CNTNAP2: variants seen among roughly 807,000 people sequenced by gnomAD.
CNTNAP2 encodes the protein contactin-associated protein-like 2.
A neutral mutation model predicts 155.2 loss-of-function variants in CNTNAP2; 98 were observed. That is an observed-to-expected ratio of 0.63 (90% CI 0.54 to 0.75). The LOEUF (loss-of-function observed/expected upper bound fraction) is 0.75, where lower values mean the gene tolerates loss of function less well. Ranked by LOEUF, CNTNAP2 falls within the 30% of genes least tolerant of loss-of-function variation. The pLI is 0.00. For missense variants in CNTNAP2, 1,727 were observed against 1,688.1 expected (o/e 1.02, Z -0.40); for synonymous variants, 651 against 631.2 (o/e 1.03, Z -0.47).
chr7:148,061,972 TAGATAGA>T (rs1803156059), intron 15 of CNTNAP2, among the ~76,000 whole-genome samples: 1 of 127,886 alleles, frequency 7.8e-6, no homozygotes, highest in African/African-American at 3.6e-5. Flanking sequence ...GATAGATAGA[TAGATAGA>T]TAGATAGATA....
chr7:146,839,299 C>A (rs1188743757), intron 2 of CNTNAP2, among the ~76,000 whole-genome samples: 1 of 151,846 alleles, frequency 6.6e-6, no homozygotes, highest in Non-Finnish European at 1.5e-5. Context: ...TGTATAATTG[C>A]TTGTTTTTAA....
chr7:147,928,614 G>T (rs1325393227), intron 14 of CNTNAP2, among the ~76,000 whole-genome samples: 3 of 152,132 alleles, frequency 2.0e-5, no homozygotes, highest in Non-Finnish European at 4.4e-5. Context: ...AGGAAGTTAT[G>T]TTTTTGGTAG....
chr7:147,341,457 TAAA>T (rs1315052747), intron 9 of CNTNAP2, among the ~76,000 whole-genome samples: 1 of 151,448 alleles, frequency 6.6e-6, no homozygotes, highest in African/African-American at 2.4e-5. Flanking sequence ...TAAAAAATAA[TAAA>T]AAGGGAAAAA....
chr7:146,224,834 T>G (rs1023059400), intron 1 of CNTNAP2, among the ~76,000 whole-genome samples: 3 of 152,198 alleles, frequency 2.0e-5, no homozygotes, highest in Non-Finnish European at 4.4e-5. Context: ...TCTTTTGTTT[T>G]GATCTCAGAA....
chr7:147,901,738 C>G (rs1799872001), intron 13 of CNTNAP2, among the ~76,000 whole-genome samples: 7 of 152,184 alleles, frequency 4.6e-5, no homozygotes, highest in Admixed American at 3.9e-4. Context: ...CTCCCCCACT[C>G]TCCTCTGTGT....
chr7:147,476,668 T>C (rs2116619472), intron 10 of CNTNAP2, among the ~76,000 whole-genome samples: 1 of 151,936 alleles, frequency 6.6e-6, no homozygotes, highest in South Asian at 2.1e-4. Context: ...GGCTCACGCC[T>C]GTAATCCCAG....
At chr7:146,936,063 G>A (rs1031193506) in intron 3 of CNTNAP2, among the ~76,000 whole-genome samples, 7 of 152,144 alleles carry the variant, frequency 4.6e-5, no homozygotes, top group South Asian at 2.1e-4. Context: ...TGGGAAAACC[G>A]TAATCTATGA....
chr7:146,311,641 G>C (rs1374556635), intron 1 of CNTNAP2: 1 of 141,722 alleles, frequency 7.1e-6, no homozygotes, highest in Non-Finnish European at 1.5e-5. Flanking sequence ...AAGAAAGACA[G>C]AAATTAGGAA....
chr7:146,649,990 G>C (rs1167404359), intron 1 of CNTNAP2, among the ~76,000 whole-genome samples: 1 of 152,164 alleles, frequency 6.6e-6, no homozygotes, highest in Non-Finnish European at 1.5e-5. Context: ...TTAGAATGGT[G>C]ATCATCAAAA....
At chr7:146,452,762 A>T (rs779224385) in intron 1 of CNTNAP2, among the ~76,000 whole-genome samples, 7 of 152,220 alleles carry the variant, frequency 4.6e-5, no homozygotes, top group Non-Finnish European at 7.3e-5. Flanking sequence ...CTACCACTAG[A>T]TTCTAAGTCC....
chr7:147,928,217 A>T (rs184195939), intron 14 of CNTNAP2, among the ~76,000 whole-genome samples: 401 of 152,230 alleles, frequency 2.6e-3, no homozygotes, highest in African/African-American at 8.2e-3. Flanking sequence ...CTTTTTCTTT[A>T]TAAATTACCC....
At chr7:148,243,610 G>A (rs561940820) in intron 20 of CNTNAP2, among the ~76,000 whole-genome samples, 2 of 152,060 alleles carry the variant, frequency 1.3e-5, no homozygotes, top group African/African-American at 4.8e-5. Context: ...TTTTAAACCC[G>A]TCAGATCTCG....
chr7:147,499,895 C>T lies in CNTNAP2; in HGVS notation c.1777+13854C>T, dbSNP rs1263734141. Among the ~76,000 whole-genome samples, 11 of 151,968 alleles carry T rather than the reference C, an allele frequency of 7.2e-5. No individual in the cohort carries two copies. In the East Asian group the frequency reaches 1.9e-3, roughly 27 times the overall value. On this transcript the variant is annotated intron_variant, in intron 11 of 23. Coordinates refer to ENST00000361727, the MANE Select transcript of CNTNAP2 (RefSeq NM_014141.6). ...TGCTTTCTACAGTGTGATTTGTGGA[C>T]AAATAGAGGGCTTTATATGCATTGC...
chr7:147,249,604 T>TTAAAAAAAAAA (rs1804143153), intron 8 of CNTNAP2, among the ~76,000 whole-genome samples: 1 of 70,030 alleles, frequency 1.4e-5, no homozygotes, highest in Non-Finnish European at 2.4e-5. Context: ...ACATTGGAGG[T>TTAAAAAAAAAA]AAAAAAAAAA....
chr7:147,193,013 C>A (rs1010832177), intron 8 of CNTNAP2, among the ~76,000 whole-genome samples: 1 of 152,134 alleles, frequency 6.6e-6, no homozygotes, highest in South Asian at 2.1e-4. Flanking sequence ...AAACGCCTTG[C>A]AAAGTAGTGA....
intron 8 of CNTNAP2, among the ~76,000 whole-genome samples, chr7:147,152,325 A>T (rs555762824): frequency 6.6e-6 from 1 of 152,166 alleles, no homozygotes; most frequent in South Asian, 2.1e-4. Context: ...GTGGTTAATT[A>T]CATAGACTCT....
intron 15 of CNTNAP2, among the ~76,000 whole-genome samples, chr7:148,048,998 G>A (rs543585401): frequency 6.6e-6 from 1 of 152,232 alleles, no homozygotes; most frequent in Non-Finnish European, 1.5e-5. Flanking sequence ...GATCACCTGA[G>A]GTCTGGAGTT....
intron 1 of CNTNAP2, among the ~76,000 whole-genome samples, chr7:146,773,695 C>A (rs1802337539): frequency 1.3e-5 from 2 of 152,184 alleles, no homozygotes; most frequent in South Asian, 2.1e-4. Context: ...CTCCCAGCCT[C>A]TTTTTTCTAT....
intron 10 of CNTNAP2, among the ~76,000 whole-genome samples, chr7:147,403,003 C>T (rs1796944539): frequency 6.7e-6 from 1 of 148,346 alleles, no homozygotes; most frequent in Non-Finnish European, 1.5e-5. Flanking sequence ...TCACAAACAT[C>T]AACACAGAGA....
Sources: gnomAD v4.1 joint callset for allele counts (sites outside exome capture counted in the v4.1 genomes callset) on GRCh38, gnomAD v4.1.1 for gene constraint, MANE v1.5 for transcripts, NCBI Gene and HGNC (gene_info 2026-07-23, HGNC 2026-07-21) for gene names.